DCC: variants seen among roughly 807,000 people sequenced by gnomAD.
DCC encodes DCC netrin 1 receptor, also known as netrin receptor DCC.
DCC carries 58 observed loss-of-function variants against 172.5 expected under a neutral mutation model. That is an observed-to-expected ratio of 0.34 (90% CI 0.27 to 0.42). DCC has a LOEUF of 0.42. DCC is among the 10% of genes least tolerant of loss of function. DCC has a pLI of 1.00. For synonymous variants in DCC, 709 were observed against 644.5 expected (o/e 1.10, Z -1.52); for missense variants, 1,740 against 1,791.0 (o/e 0.97, Z 0.51).
intron 22 of DCC, among the ~76,000 whole-genome samples, chr18:53,450,009 T>C (rs571123573): frequency 6.6e-6 from 1 of 152,222 alleles, no homozygotes; most frequent in South Asian, 2.1e-4. Flanking sequence ...TATATGTCCT[T>C]TTGTGTCTGG....
intron 1 of DCC, among the ~76,000 whole-genome samples, chr18:52,475,373 T>A (rs751800557): frequency 6.6e-6 from 1 of 152,150 alleles, no homozygotes; most frequent in Non-Finnish European, 1.5e-5. Context: ...ACAATGTGGA[T>A]AATAAATAAT....
intron 1 of DCC, among the ~76,000 whole-genome samples, chr18:52,439,509 A>C (rs1291752132): frequency 6.6e-6 from 1 of 151,994 alleles, no homozygotes; most frequent in South Asian, 2.1e-4. Flanking sequence ...CTCATTAGTA[A>C]CTCCAGAGAT....
At chr18:52,517,371 G>T (rs549377938) in intron 1 of DCC, among the ~76,000 whole-genome samples, 1 of 152,036 alleles carries the variant, frequency 6.6e-6, no homozygotes, top group Admixed American at 6.6e-5. Context: ...ACACTGCATT[G>T]CAGGTAGAAA....
At chr18:53,407,922 CT>C (rs984643801) in intron 19 of DCC, among the ~76,000 whole-genome samples, 1 of 152,216 alleles carries the variant, frequency 6.6e-6, no homozygotes, top group African/African-American at 2.4e-5. Context: ...TTCATAATCC[CT>C]TTTGAATTTT....
At chr18:52,909,984 T>G (rs1198245733) in intron 3 of DCC, among the ~76,000 whole-genome samples, 1 of 152,038 alleles carries the variant, frequency 6.6e-6, no homozygotes, top group African/African-American at 2.4e-5. Context: ...GATCAAAAGC[T>G]TTTCAGGCGA....
intron 11 of DCC, among the ~76,000 whole-genome samples, chr18:53,212,362 A>C (rs1317471259): frequency 6.6e-6 from 1 of 152,148 alleles, no homozygotes; most frequent in East Asian, 1.9e-4. Context: ...TGGGAAGACA[A>C]ATATAGAAAA....
At chr18:53,511,504 A>G (rs1386350584) in intron 27 of DCC, among the ~76,000 whole-genome samples, 1 of 152,232 alleles carries the variant, frequency 6.6e-6, no homozygotes, top group East Asian at 1.9e-4. Flanking sequence ...TCCCAGCGTG[A>G]GAGACGCAGA....
chr18:53,200,077 A>G (rs1228273939), intron 9 of DCC, among the ~76,000 whole-genome samples: 1 of 152,210 alleles, frequency 6.6e-6, no homozygotes, highest in African/African-American at 2.4e-5. Context: ...TGAATACTTA[A>G]AGTAAATGAT....
chr18:52,622,190 C>T (rs2034492528), intron 1 of DCC, among the ~76,000 whole-genome samples: 1 of 152,106 alleles, frequency 6.6e-6, no homozygotes. Flanking sequence ...CTGAGTTTTT[C>T]TTCATTTTTT....
At chr18:52,395,696 CCTT>C (rs1986199223) in intron 1 of DCC, among the ~76,000 whole-genome samples, 1 of 152,026 alleles carries the variant, frequency 6.6e-6, no homozygotes, top group Admixed American at 6.6e-5. Flanking sequence ...CTGAGATCTG[CCTT>C]CTTCTTACTC....
chr18:53,096,479 G>T (rs1481204943), intron 7 of DCC, among the ~76,000 whole-genome samples: 2 of 152,194 alleles, frequency 1.3e-5, no homozygotes, highest in African/African-American at 4.8e-5. Flanking sequence ...GGGATGAAAA[G>T]TAGAGTTTGA....
At chr18:52,620,807 T>C (rs1038910516) in intron 1 of DCC, among the ~76,000 whole-genome samples, 1 of 152,286 alleles carries the variant, frequency 6.6e-6, no homozygotes, top group African/African-American at 2.4e-5. Context: ...TTTCCAGTAC[T>C]ATCATAAGGA....
intron 2 of DCC, among the ~76,000 whole-genome samples, chr18:52,831,625 G>A (rs1818892536): frequency 6.6e-6 from 1 of 151,580 alleles, no homozygotes; most frequent in Admixed American, 6.6e-5. Context: ...ACAAGATTTT[G>A]GGGCCTGAGA....
intron 1 of DCC, among the ~76,000 whole-genome samples, chr18:52,524,200 C>CA (rs1393030248): frequency 6.6e-6 from 1 of 152,040 alleles, no homozygotes; most frequent in African/African-American, 2.4e-5. Flanking sequence ...AAAGTTAAGA[C>CA]AAAAAATTCC....
chr18:52,731,809 A>G (rs887421008), intron 1 of DCC, among the ~76,000 whole-genome samples: 1 of 152,094 alleles, frequency 6.6e-6, no homozygotes, highest in African/African-American at 2.4e-5. Context: ...TCTGTGATTT[A>G]CTTATTTCCT....
At chr18:52,537,312 CAAA>C (rs2032316382) in intron 1 of DCC, among the ~76,000 whole-genome samples, 1 of 152,116 alleles carries the variant, frequency 6.6e-6, no homozygotes, top group African/African-American at 2.4e-5. Context: ...ACTTGGGCTG[CAAA>C]ACATAAACAA....
At chr18:53,151,600 G>A (rs1007911348) in intron 7 of DCC, among the ~76,000 whole-genome samples, 2 of 152,048 alleles carry the variant, frequency 1.3e-5, no homozygotes, top group Non-Finnish European at 2.9e-5. Context: ...AAGGTATCAT[G>A]TTATACAGGA....
chr18:52,950,929 CA>C (rs755118442), intron 5 of DCC, among the ~76,000 whole-genome samples: 2 of 57,406 alleles, frequency 3.5e-5, no homozygotes, highest in African/African-American at 6.5e-5. Flanking sequence ...GACTCCGTCT[CA>C]AAAAAAAAAA....
At chr18:52,755,207 G>A (rs73457802) in intron 2 of DCC, among the ~76,000 whole-genome samples, 3,232 of 152,260 alleles carry the variant, frequency 0.021, 107 homozygotes, top group African/African-American at 0.073. Context: ...GCCAGAGGAG[G>A]TCTGCTGATT....
Sources: gnomAD v4.1 joint callset for allele counts (sites outside exome capture counted in the v4.1 genomes callset) on GRCh38, gnomAD v4.1.1 for gene constraint, MANE v1.5 for transcripts, NCBI Gene and HGNC (gene_info 2026-07-23, HGNC 2026-07-21) for gene names.